The following FAM107B variants were observed in gnomAD, a reference collection of about 807,000 sequenced individuals.
The protein encoded by FAM107B is protein FAM107B.
FAM107B carries 21 observed loss-of-function variants against 31.5 expected under a neutral mutation model. The ratio of observed to expected loss-of-function variants is 0.67; its 90% confidence interval spans 0.47 to 0.96. The LOEUF is 0.96. FAM107B is among the 40% of genes least tolerant of loss of function. FAM107B has a pLI of 0.00. For missense variants in FAM107B, 452 were observed against 377.1 expected, an observed-to-expected ratio of 1.20 and a Z score of -1.64; for synonymous variants, 157 against 141.5, an observed-to-expected ratio of 1.11 and a Z score of -0.78.
At chr10:14,640,799 C>T (rs1267728222) in intron 2 of FAM107B, among the ~76,000 whole-genome samples, 1 of 152,130 alleles carries the variant, frequency 6.6e-6, no homozygotes, top group Non-Finnish European at 1.5e-5. Context: ...TTAATGATTC[C>T]TGGGCTAGCA....
chr10:14,751,832 C>T (rs971627247), intron 1 of FAM107B, among the ~76,000 whole-genome samples: 4 of 151,986 alleles, frequency 2.6e-5, no homozygotes, highest in Non-Finnish European at 5.9e-5. Flanking sequence ...TGTAACGCAC[C>T]GAGACTGAAG....
intron 2 of FAM107B, among the ~76,000 whole-genome samples, chr10:14,626,716 G>C (rs1588667120): frequency 6.6e-6 from 1 of 152,022 alleles, no homozygotes; most frequent in African/African-American, 2.4e-5. Context: ...TGTTAGCCAG[G>C]ATGGTCTCGA....
chr10:14,763,880 G>C (rs980046956), intron 1 of FAM107B, among the ~76,000 whole-genome samples: 3 of 152,236 alleles, frequency 2.0e-5, no homozygotes, highest in Non-Finnish European at 4.4e-5. Flanking sequence ...ACTGCTTAAG[G>C]GTATACACAT....
At chr10:14,684,029 G>A (rs968890784) in intron 1 of FAM107B, among the ~76,000 whole-genome samples, 1 of 152,160 alleles carries the variant, frequency 6.6e-6, no homozygotes, top group African/African-American at 2.4e-5. Context: ...AGCTCTAGAG[G>A]CTGCAAAGTC....
intron 1 of FAM107B, among the ~76,000 whole-genome samples, chr10:14,764,750 G>C (rs369970856): frequency 1.3e-5 from 2 of 152,180 alleles, no homozygotes; most frequent in South Asian, 2.1e-4. Context: ...ATGGTTCCTA[G>C]ACCGTAAGAC....
chr10:14,770,551 A>C (rs904007462), intron 1 of FAM107B, among the ~76,000 whole-genome samples: 8 of 152,116 alleles, frequency 5.3e-5, no homozygotes, highest in Non-Finnish European at 1.2e-4. Flanking sequence ...ATAAAATAAA[A>C]TAAACAGCAG....
At chr10:14,574,028 G>A (rs1851387370) in intron 2 of FAM107B, among the ~76,000 whole-genome samples, 1 of 152,006 alleles carries the variant, frequency 6.6e-6, no homozygotes, top group South Asian at 2.1e-4. Flanking sequence ...AATGCCACAA[G>A]ACCAGGGTAG....
chr10:14,614,858 A>G (rs934222501), intron 2 of FAM107B, among the ~76,000 whole-genome samples: 3 of 152,000 alleles, frequency 2.0e-5, no homozygotes, highest in Non-Finnish European at 4.4e-5. Context: ...ACTGTTTACC[A>G]ACCCAAGAAT....
chr10:14,731,180 C>T (rs1431976996), intron 1 of FAM107B, among the ~76,000 whole-genome samples: 1 of 152,142 alleles, frequency 6.6e-6, no homozygotes, highest in African/African-American at 2.4e-5. Flanking sequence ...GGTGTCAATA[C>T]TAAAAAGGTG....
intron 2 of FAM107B, chr10:14,548,420 T>A (rs1452178160): frequency 1.0e-6 from 1 of 985,482 alleles, no homozygotes. Flanking sequence ...TGAGGGTGCG[T>A]GGGGCGTAGG....
At chr10:14,534,368 C>A (rs1222659467) in intron 2 of FAM107B, among the ~76,000 whole-genome samples, 2 of 152,086 alleles carry the variant, frequency 1.3e-5, no homozygotes, top group East Asian at 3.9e-4. Flanking sequence ...CTCAGTGACA[C>A]CCCGCCCTGG....
At chr10:14,723,650 C>G in intron 1 of FAM107B, 1 of 732,960 alleles carries the variant, frequency 1.4e-6, no homozygotes, top group Admixed American at 1.8e-5. Flanking sequence ...TAGGATTACT[C>G]TGCGAGAGGC....
chr10:14,621,415 T>A (rs910502397), intron 2 of FAM107B, among the ~76,000 whole-genome samples: 1 of 152,256 alleles, frequency 6.6e-6, no homozygotes, highest in Non-Finnish European at 1.5e-5. Flanking sequence ...CAAACTATAA[T>A]ATTCCCTTTG....
rs542495861 is a variant in FAM107B at position 14,706,265 on chromosome 10, G to A, written c.412-38574C>T. On this transcript the variant is annotated intron_variant, in intron 1 of 4. Coordinates refer to ENST00000181796, the MANE Select transcript of FAM107B (RefSeq NM_031453.4). The stretch of plus-strand genomic sequence containing the variant: ...ACTCTGTCACCCAGGTGGGAGTACC[G>A]TGGTGCAATCATAACTCATTGCAGC... Among the ~76,000 whole-genome samples, 13 of 152,082 alleles carry A rather than the reference G, an allele frequency of 8.5e-5. No individual in the cohort carries two copies. In the East Asian group the frequency reaches 1.5e-3, roughly 18 times the overall value.
intron 1 of FAM107B, among the ~76,000 whole-genome samples, chr10:14,769,676 G>A (rs1005572586): frequency 1.3e-5 from 2 of 152,082 alleles, no homozygotes; most frequent in Admixed American, 6.5e-5. Context: ...GTGAGCCACC[G>A]CGCCCGGCCA....
rs1854358607 is a variant in FAM107B at position 14,664,535 on chromosome 10, T to C, written c.469+3099A>G. ...ACAAATACTTACCACTGTGTTATAA[T>C]TGCCTACAATATCCAGTGTAATAAC... is the stretch of plus-strand genomic sequence containing the variant. On this transcript the variant is annotated intron_variant, in intron 2 of 4. Coordinates refer to ENST00000181796, the MANE Select transcript of FAM107B (RefSeq NM_031453.4). Among the ~76,000 whole-genome samples the C allele has an allele frequency of 2.0e-5, 3 of 152,218 alleles. No individual in the cohort carries two copies. The South Asian group carries it at 6.2e-4, about 32-fold the overall frequency.
chr10:14,655,138 T>C (rs61845075), intron 2 of FAM107B, among the ~76,000 whole-genome samples: 60,452 of 151,968 alleles, frequency 0.4, 13,235 homozygotes, highest in Middle Eastern at 0.48. Context: ...CCAGATTCTT[T>C]AACCGTCAGA....
At chr10:14,576,547 C>A (rs1450319594) in intron 2 of FAM107B, among the ~76,000 whole-genome samples, 1 of 151,846 alleles carries the variant, frequency 6.6e-6, no homozygotes, top group African/African-American at 2.4e-5. Flanking sequence ...ACAACAACAA[C>A]AACAAAAAGC....
chr10:14,739,471 T>G (rs1323037316), intron 1 of FAM107B, among the ~76,000 whole-genome samples: 1 of 152,196 alleles, frequency 6.6e-6, no homozygotes, highest in African/African-American at 2.4e-5. Context: ...CCATCCAGCT[T>G]TCTTCTGATA....
Sources: gnomAD v4.1 joint callset for allele counts (sites outside exome capture counted in the v4.1 genomes callset) on GRCh38, gnomAD v4.1.1 for gene constraint, MANE v1.5 for transcripts, NCBI Gene and HGNC (gene_info 2026-07-23, HGNC 2026-07-21) for gene names.